Variants in ZNF277 observed in about 807,000 individuals in gnomAD.
ZNF277 encodes zinc finger protein 277, also known as nuclear receptor-interacting factor 4.
Under a neutral mutation model 60.7 loss-of-function variants are expected in ZNF277, and 55 were observed. That is an observed-to-expected ratio of 0.91 (90% CI 0.73 to 1.13). ZNF277 has a LOEUF of 1.13. Among genes scored for constraint, ZNF277 ranks in the 50% most tolerant of loss-of-function variants. The pLI is 0.00. For synonymous variants in ZNF277, 178 were observed against 179.3 expected (o/e 0.99, Z 0.06); for missense variants, 510 against 523.0 (o/e 0.98, Z 0.24).
chr7:112,269,893 C>T (rs1791630787), intron 1 of ZNF277, among the ~76,000 whole-genome samples: 1 of 152,026 alleles, frequency 6.6e-6, no homozygotes, highest in South Asian at 2.1e-4. Context: ...TTGTTATATT[C>T]AGGTACTTCT....
intron 1 of ZNF277, among the ~76,000 whole-genome samples, chr7:112,242,415 T>C (rs1167977029): frequency 6.6e-6 from 1 of 151,914 alleles, no homozygotes; most frequent in Non-Finnish European, 1.5e-5. Flanking sequence ...CGATAGGTGC[T>C]AAAGATGCCT....
chr7:112,286,263 C>T (rs148467338), intron 1 of ZNF277, among the ~76,000 whole-genome samples: 1 of 152,186 alleles, frequency 6.6e-6, no homozygotes, highest in South Asian at 2.1e-4. Context: ...GTAATGCATA[C>T]TTGTGTAATA....
At chr7:112,272,254 T>G (rs1290533406) in intron 1 of ZNF277, among the ~76,000 whole-genome samples, 1 of 152,220 alleles carries the variant, frequency 6.6e-6, no homozygotes, top group Non-Finnish European at 1.5e-5. Context: ...TTGTTGCAGA[T>G]GACAAGATCT....
rs772455320 is a variant in ZNF277, at chr7:112,330,290, AT to A, written c.801+77del. On this transcript the variant is annotated intron_variant, in intron 7 of 11. Coordinates refer to ENST00000361822, the MANE Select transcript of ZNF277 (RefSeq NM_021994.3). ...AAAATCTTTCTGAGGACCAACTAATATTTGAATAAGCAATTATTGCAAAAGT... is the reference window on the plus strand; with the variant it reads ...AAAATCTTTCTGAGGACCAACTAATATTGAATAAGCAATTATTGCAAAAGT... 4 of 1,466,672 alleles carry A rather than the reference AT, an allele frequency of 2.7e-6. No homozygotes were observed. The East Asian group carries it at 9.1e-5, about 33-fold the overall frequency. The allele number at this position is 1,466,672 out of a possible 1,614,324, so 90.9% of individuals were successfully genotyped here. A position where few individuals can be genotyped will look rare whatever the true frequency, so the allele number is the denominator to read the frequency against.
At chr7:112,264,324 C>A (rs1791499238) in intron 1 of ZNF277, among the ~76,000 whole-genome samples, 1 of 152,044 alleles carries the variant, frequency 6.6e-6, no homozygotes, top group Non-Finnish European at 1.5e-5. Flanking sequence ...TATAAGTAAA[C>A]CACATTAAAA....
intron 5 of ZNF277, among the ~76,000 whole-genome samples, chr7:112,318,981 A>G (rs1046835124): frequency 1.3e-5 from 2 of 152,108 alleles, no homozygotes; most frequent in Non-Finnish European, 2.9e-5. Context: ...AAACAGCCAA[A>G]TGAAGAGACA....
rs1793484663 is a variant in ZNF277, at chr7:112,343,595, A to G, written c.*866A>G. ...AATATCACTTTTGTAGATTTATACC[A>G]AAAATGCATAATTTGGATATAATGA... On this transcript the variant is annotated 3_prime_UTR_variant, in exon 12 of 12. Transcript: ENST00000361822. Among the ~76,000 whole-genome samples the G allele has an allele frequency of 6.6e-6, 1 of 152,266 alleles. No homozygotes were observed. The highest frequency in any genetic ancestry group is 2.4e-5 in the African/African-American group (1 of 41,530).
At chr7:112,241,169 C>T (rs1193456285) in intron 1 of ZNF277, among the ~76,000 whole-genome samples, 1 of 151,786 alleles carries the variant, frequency 6.6e-6, no homozygotes, top group East Asian at 1.9e-4. Context: ...AAAAAAAAAT[C>T]TAATAATCTC....
In ZNF277 at chr7:112,341,937, G is replaced by A. The variant is rs568935977; in HGVS notation, c.1185-624G>A. Among the ~76,000 whole-genome samples, 425 of 152,214 alleles carry A rather than the reference G, an allele frequency of 2.8e-3. 3 individuals are homozygous for A. The highest frequency in any genetic ancestry group is 4.1e-3 in the Admixed American group (62 of 15,290). ...AATTAAAATTTGTAATATTCCAAAA[G>A]TAACTTCAAAATGTATTCAGAGAAG... On this transcript the variant is annotated intron_variant, in intron 11 of 11. Coordinates refer to ENST00000361822, the MANE Select transcript of ZNF277 (RefSeq NM_021994.3).
chr7:112,330,667 C>G (rs1793210097), intron 7 of ZNF277, among the ~76,000 whole-genome samples: 1 of 150,302 alleles, frequency 6.7e-6, no homozygotes, highest in Admixed American at 6.7e-5. Context: ...TGGTATCAAG[C>G]AATTCTCCTG....
chr7:112,214,605 G>T (rs563715448), intron 1 of ZNF277, among the ~76,000 whole-genome samples: 12 of 152,224 alleles, frequency 7.9e-5, no homozygotes, highest in African/African-American at 2.9e-4. Context: ...TGCAACATAG[G>T]CAGCTGGGGT....
chr7:112,212,722 C>T (rs754281514), intron 1 of ZNF277, among the ~76,000 whole-genome samples: 13 of 152,168 alleles, frequency 8.5e-5, no homozygotes, highest in Admixed American at 3.9e-4. Context: ...CTTATGCTGT[C>T]AATGCTTTCC....
intron 4 of ZNF277, among the ~76,000 whole-genome samples, chr7:112,309,153 G>A (rs1792666054): frequency 6.6e-6 from 1 of 151,824 alleles, no homozygotes; most frequent in African/African-American, 2.4e-5. Context: ...CATATTTTGG[G>A]GTGGCATGTT....
At chr7:112,323,066 G>T (rs1793020278) in intron 5 of ZNF277, among the ~76,000 whole-genome samples, 1 of 150,856 alleles carries the variant, frequency 6.6e-6, no homozygotes, top group Non-Finnish European at 1.5e-5. Context: ...TTGTATGTGG[G>T]TTGGAGCATA....
Position 112,302,949 on chromosome 7 carries a change from C to CTTTTTT in ZNF277, c.465+6650_465+6655dup, listed in dbSNP as rs34593342. On this transcript the variant is annotated intron_variant, in intron 4 of 11. Transcript: ENST00000361822. ...GATCTTTCTTTCTGAGCAAATAGGC[C>CTTTTTT]TTTTTTTTTTTTTTTTTGAGACAGA... is the stretch of plus-strand genomic sequence containing the variant. 1.9e-3 allele frequency among the ~76,000 whole-genome samples: 248 copies of CTTTTTT among 132,862 alleles called. 4 individuals are homozygous for CTTTTTT. Among genetic ancestry groups the CTTTTTT allele is most frequent in the African/African-American group, 6.0e-3 (209 of 34,620 alleles). 87.2% of individuals were successfully genotyped at this position (132,862 alleles called of 152,430 possible). A position where few individuals can be genotyped will look rare whatever the true frequency, so the allele number is the denominator to read the frequency against.
intron 1 of ZNF277, among the ~76,000 whole-genome samples, chr7:112,221,507 A>G (rs535083553): frequency 2.0e-4 from 30 of 152,278 alleles, no homozygotes; most frequent in Admixed American, 1.4e-3. Context: ...TTTTGGGATG[A>G]TCCAAGCACA....
chr7:112,310,813 A>G (rs1792713929), intron 4 of ZNF277, among the ~76,000 whole-genome samples: 1 of 152,066 alleles, frequency 6.6e-6, no homozygotes, highest in South Asian at 2.1e-4. Context: ...TGGTTCTGCC[A>G]TGCTGCTGCC....
intron 1 of ZNF277, among the ~76,000 whole-genome samples, chr7:112,227,627 G>C (rs991063188): frequency 1.3e-5 from 2 of 152,096 alleles, no homozygotes; most frequent in Non-Finnish European, 2.9e-5. Flanking sequence ...TAAGGAGACA[G>C]CTTTAGGCTA....
At chr7:112,255,339 G>C (rs1044323144) in intron 1 of ZNF277, among the ~76,000 whole-genome samples, 1 of 152,116 alleles carries the variant, frequency 6.6e-6, no homozygotes, top group Admixed American at 6.6e-5. Flanking sequence ...AGTTTTAAGA[G>C]GCAGGTAGGA....
Sources: allele counts gnomAD v4.1 joint callset (sites outside exome capture counted in the v4.1 genomes callset), GRCh38; gene constraint gnomAD v4.1.1; transcripts MANE v1.5; gene names NCBI Gene and HGNC (gene_info 2026-07-23, HGNC 2026-07-21).